The following MBD5 variants were observed in gnomAD, a reference collection of about 807,000 sequenced individuals.
MBD5 encodes the protein methyl-CpG-binding domain protein 5.
In MBD5, 13 loss-of-function variants were observed where a neutral mutation model predicts 117.3. The ratio of observed to expected loss-of-function variants is 0.11; its 90% CI spans 0.07 to 0.18. The LOEUF (loss-of-function observed/expected upper bound fraction) is 0.18, where lower values mean the gene tolerates loss of function less well. Among genes scored for constraint, MBD5 ranks in the 10% least tolerant of loss-of-function variants. The pLI, the probability that MBD5 is intolerant of heterozygous loss-of-function variation, is 1.00. For synonymous variants in MBD5, 727 were observed against 766.4 expected (o/e 0.95, Z 0.85); for missense variants, 1,879 against 2,093.8 (o/e 0.90, Z 2.00).
At chr2:148,167,405 C>T (rs1196884941) in intron 1 of MBD5, among the ~76,000 whole-genome samples, 1 of 152,052 alleles carries the variant, frequency 6.6e-6, no homozygotes, top group Non-Finnish European at 1.5e-5. Flanking sequence ...GTTTTTTCTG[C>T]TTTAGCTCCT....
intron 4 of MBD5, among the ~76,000 whole-genome samples, chr2:148,445,776 C>T (rs1338591118): frequency 6.6e-6 from 1 of 151,350 alleles, no homozygotes; most frequent in Non-Finnish European, 1.5e-5. Context: ...GTTCCTATTT[C>T]TCCACATCCT....
chr2:148,078,216 G>A (rs374229568), intron 1 of MBD5, among the ~76,000 whole-genome samples: 7 of 152,094 alleles, frequency 4.6e-5, no homozygotes, highest in African/African-American at 1.7e-4. Context: ...GTGAACAAGT[G>A]TATTTTTCCA....
At chr2:148,239,031 CGT>C (rs1700154108) in intron 3 of MBD5, among the ~76,000 whole-genome samples, 3 of 149,404 alleles carry the variant, frequency 2.0e-5, no homozygotes, top group African/African-American at 4.9e-5. Flanking sequence ...CACACACACA[CGT>C]GTGTGTGTAT....
At chr2:148,222,308 A>T (rs1699708485) in intron 2 of MBD5, among the ~76,000 whole-genome samples, 1 of 151,908 alleles carries the variant, frequency 6.6e-6, no homozygotes, top group Admixed American at 6.6e-5. Flanking sequence ...TGTCATTGGT[A>T]TTTTGATAGG....
rs576998169 is a variant in MBD5, at chr2:148,023,352, T to C, written c.-925+1668T>C. 2.6e-5 allele frequency among the ~76,000 whole-genome samples: 4 copies of C among 152,364 alleles called. No homozygotes were observed. The East Asian group carries it at 7.7e-4, about 29-fold the overall frequency. On this transcript the variant is annotated intron_variant, in intron 1 of 13. Transcript: ENST00000642680. ...TTTAGTGACAGTGAAGCATTGCATA[T>C]GTAGAAACTTGTTCTGTAAAATTTT...
rs567112245 is a variant in MBD5 at position 148,109,087 on chromosome 2, A to G, written c.-924-69613A>G. 2.0e-5 allele frequency among the ~76,000 whole-genome samples: 3 copies of G among 152,302 alleles called. No individual in the cohort carries two copies. The East Asian group carries it at 5.8e-4, about 29-fold the overall frequency. On this transcript the variant is annotated intron_variant, in intron 1 of 13. Coordinates refer to ENST00000642680, the MANE Select transcript of MBD5 (RefSeq NM_001378120.1). ...AAGAATGCTAATTGCAATAGCTCCT[A>G]TGCAAAGCAGTTTGGCAATGTATGT...
intron 2 of MBD5, among the ~76,000 whole-genome samples, chr2:148,216,430 T>C (rs769686343): frequency 5.3e-5 from 8 of 152,200 alleles, no homozygotes; most frequent in Non-Finnish European, 1.2e-4. Flanking sequence ...ATATTATTGA[T>C]GTCTCAAGAC....
intron 1 of MBD5, among the ~76,000 whole-genome samples, chr2:148,114,985 T>G (rs953300230): frequency 6.6e-6 from 1 of 152,282 alleles, no homozygotes; most frequent in Non-Finnish European, 1.5e-5. Flanking sequence ...TATGTATATA[T>G]GTATATGCAT....
At chr2:148,096,320 G>A (rs943582248) in intron 1 of MBD5, among the ~76,000 whole-genome samples, 1 of 152,084 alleles carries the variant, frequency 6.6e-6, no homozygotes, top group African/African-American at 2.4e-5. Context: ...AGTGCTTGGG[G>A]TATTGCTACT....
chr2:148,053,988 A>T (rs1332483760), intron 1 of MBD5: 1 of 150,892 alleles, frequency 6.6e-6, no homozygotes, highest in African/African-American at 2.4e-5. Flanking sequence ...GCTCACTGCA[A>T]CCTCGACCTC....
chr2:148,320,752 G>GT (rs1478441519), intron 3 of MBD5, among the ~76,000 whole-genome samples: 3 of 152,144 alleles, frequency 2.0e-5, no homozygotes, highest in Non-Finnish European at 4.4e-5. Context: ...TCAGGAGGTT[G>GT]TATGTTTCTA....
intron 11 of MBD5, among the ~76,000 whole-genome samples, chr2:148,494,636 G>A (rs937987037): frequency 6.6e-6 from 1 of 152,182 alleles, no homozygotes; most frequent in African/African-American, 2.4e-5. Flanking sequence ...CCTTCCTAAT[G>A]TGTTTTTTCC....
rs1483630854 is a variant in MBD5, at chr2:148,514,267, A to G, written c.*1326A>G. On this transcript the variant is annotated 3_prime_UTR_variant, in exon 14 of 14. Coordinates refer to ENST00000642680, the MANE Select transcript of MBD5 (RefSeq NM_001378120.1). Reference sequence around the variant, plus strand: ...AATGTGAAACAAATGTAGAGAGAAAATACTACATTACAAGTATACAAACCT... The same window carrying G: ...AATGTGAAACAAATGTAGAGAGAAAGTACTACATTACAAGTATACAAACCT... The G allele has an allele frequency of 6.6e-6, 1 of 152,242 alleles. No individual in the cohort carries two copies. Among genetic ancestry groups the G allele is most frequent in the Non-Finnish European group, 1.5e-5 (1 of 68,046 alleles). The allele number at this position is 152,242 out of a possible 1,614,324, so 9.4% of individuals were successfully genotyped here.
chr2:148,394,545 G>GTTTTTTTTTTTTTTTTTTTT (rs71856376), intron 4 of MBD5, among the ~76,000 whole-genome samples: 3 of 121,852 alleles, frequency 2.5e-5, no homozygotes, highest in South Asian at 2.7e-4. Context: ...CTGTACTTTG[G>GTTTTTTTTTTTTTTTTTTTT]TTTTTTTTTT....
intron 1 of MBD5, among the ~76,000 whole-genome samples, chr2:148,134,561 T>G (rs577700616): frequency 6.6e-6 from 1 of 152,298 alleles, no homozygotes; most frequent in East Asian, 1.9e-4. Flanking sequence ...TATGCTTTAT[T>G]CTCTTCTTCT....
At chr2:148,387,811 A>C (rs1382147826) in intron 4 of MBD5, among the ~76,000 whole-genome samples, 1 of 152,128 alleles carries the variant, frequency 6.6e-6, no homozygotes, top group Non-Finnish European at 1.5e-5. Flanking sequence ...AATAACAAAA[A>C]TGTGTGTGAT....
chr2:148,319,152 T>C (rs1454494857), intron 3 of MBD5, among the ~76,000 whole-genome samples: 1 of 152,228 alleles, frequency 6.6e-6, no homozygotes, highest in Non-Finnish European at 1.5e-5. Flanking sequence ...TTGGTTACTA[T>C]AGCCTTGTAG....
rs554444276 is a variant in MBD5, at chr2:148,284,434, A to G, written c.-680+51039A>G. Among the ~76,000 whole-genome samples, 36 of 152,320 alleles carry G rather than the reference A, an allele frequency of 2.4e-4. No homozygotes were observed. The South Asian group carries it at 2.9e-3, about 12-fold the overall frequency. ...TTCAATCACCTCAAAACAACAGATA[A>G]TGAGGGCATCAGGGAAGAAACCTGG... is the stretch of plus-strand genomic sequence containing the variant. On this transcript the variant is annotated intron_variant, in intron 3 of 13. Coordinates refer to ENST00000642680, the MANE Select transcript of MBD5 (RefSeq NM_001378120.1).
intron 4 of MBD5, among the ~76,000 whole-genome samples, chr2:148,392,216 T>C (rs935832873): frequency 2.0e-5 from 3 of 152,210 alleles, no homozygotes; most frequent in African/African-American, 7.2e-5. Flanking sequence ...ATAAACAATG[T>C]AGACAGCGAC....
Sources: allele counts gnomAD v4.1 joint callset (sites outside exome capture counted in the v4.1 genomes callset), GRCh38; gene constraint gnomAD v4.1.1; transcripts MANE v1.5; gene names NCBI Gene and HGNC (gene_info 2026-07-23, HGNC 2026-07-21).